The following MYH10 variants were observed in gnomAD, a reference collection of about 807,000 sequenced individuals.
MYH10 encodes the protein myosin heavy chain 10.
Under a neutral mutation model 257.8 loss-of-function variants are expected in MYH10, and 55 were observed. The ratio of observed to expected loss-of-function variants is 0.21; its 90% confidence interval spans 0.17 to 0.27. The LOEUF (loss-of-function observed/expected upper bound fraction) is 0.27, where lower values mean the gene tolerates loss of function less well. Among genes scored for constraint, MYH10 ranks in the 10% least tolerant of loss-of-function variants. The probability of loss-of-function intolerance (pLI) is 1.00; values close to 1 mark genes in which losing one functional copy is unlikely to be tolerated. For synonymous variants in MYH10, 854 were observed against 921.7 expected, an observed-to-expected ratio of 0.93 and a Z score of 1.33; for missense variants, 1,631 against 2,500.6, an observed-to-expected ratio of 0.65 and a Z score of 7.42.
chr17:8,614,681 T>C (rs922634399), intron 2 of MYH10, among the ~76,000 whole-genome samples: 3 of 152,170 alleles, frequency 2.0e-5, no homozygotes, highest in African/African-American at 4.8e-5. Context: ...TTCAACTGAA[T>C]GCTAATAAAA....
chr17:8,536,144 G>A (rs913440445), intron 14 of MYH10, among the ~76,000 whole-genome samples: 3 of 152,072 alleles, frequency 2.0e-5, no homozygotes, highest in Admixed American at 1.3e-4. Context: ...AAACAGAGGA[G>A]TAACTTATCT....
intron 2 of MYH10, among the ~76,000 whole-genome samples, chr17:8,619,428 T>C (rs1319983460): frequency 6.6e-6 from 1 of 152,152 alleles, no homozygotes; most frequent in African/African-American, 2.4e-5. Context: ...CGTATTGTTA[T>C]AAAAATAGTT....
chr17:8,629,925 C>T (rs987091952), intron 1 of MYH10, among the ~76,000 whole-genome samples: 3 of 151,744 alleles, frequency 2.0e-5, no homozygotes, highest in African/African-American at 7.3e-5. Context: ...CCCACGCCCG[C>T]GGCCGGCTCC....
intron 19 of MYH10, among the ~76,000 whole-genome samples, chr17:8,519,273 C>T (rs558981959): frequency 2.6e-5 from 4 of 152,118 alleles, no homozygotes; most frequent in Admixed American, 6.5e-5. Context: ...ATCCTTAAGA[C>T]GCAAAAGAGA....
intron 29 of MYH10, among the ~76,000 whole-genome samples, chr17:8,499,693 T>C (rs1917219817): frequency 1.3e-5 from 2 of 152,148 alleles, no homozygotes; most frequent in African/African-American, 4.8e-5. Flanking sequence ...CAGATGCAGA[T>C]ATTTAGGGGC....
chr17:8,534,387 C>T (rs762376371), intron 16 of MYH10, among the ~76,000 whole-genome samples: 7 of 152,300 alleles, frequency 4.6e-5, no homozygotes, highest in Middle Eastern at 3.4e-3. Context: ...TGCATCCCCC[C>T]CTGCAGCTCC....
intron 14 of MYH10, among the ~76,000 whole-genome samples, chr17:8,538,537 C>A (rs2151939404): frequency 6.6e-6 from 1 of 152,244 alleles, no homozygotes; most frequent in Middle Eastern, 3.4e-3. Flanking sequence ...TCAGATATTT[C>A]TATGAATAAG....
intron 2 of MYH10, among the ~76,000 whole-genome samples, chr17:8,619,959 T>C (rs938111545): frequency 6.6e-6 from 1 of 152,078 alleles, no homozygotes; most frequent in African/African-American, 2.4e-5. Flanking sequence ...CAAAACTAAA[T>C]TGTCATTTAG....
At chr17:8,496,611 G>A (rs539503010) in intron 30 of MYH10, among the ~76,000 whole-genome samples, 12 of 152,300 alleles carry the variant, frequency 7.9e-5, no homozygotes, top group Admixed American at 2.0e-4. Flanking sequence ...TCCCTTCCCC[G>A]CCGTAGGCAG....
At chr17:8,502,606 A>G (rs964007889) in intron 28 of MYH10, among the ~76,000 whole-genome samples, 22 of 152,062 alleles carry the variant, frequency 1.4e-4, no homozygotes, top group Non-Finnish European at 2.6e-4. Flanking sequence ...AAAAGTCCTT[A>G]AGAGAGTGAA....
At chr17:8,603,469 C>T (rs2084685353) in intron 3 of MYH10, among the ~76,000 whole-genome samples, 1 of 152,108 alleles carries the variant, frequency 6.6e-6, no homozygotes, top group South Asian at 2.1e-4. Context: ...TCTGGAAACT[C>T]CCCTTCTATA....
intron 26 of MYH10, among the ~76,000 whole-genome samples, chr17:8,507,069 G>A (rs146148856): frequency 3.0e-4 from 46 of 152,312 alleles, no homozygotes; most frequent in African/African-American, 1.0e-3. Flanking sequence ...CAACCTGTAT[G>A]CCTTTGTGTT....
At chr17:8,588,485 A>T (rs2083996901) in intron 4 of MYH10, among the ~76,000 whole-genome samples, 1 of 152,208 alleles carries the variant, frequency 6.6e-6, no homozygotes, top group South Asian at 2.1e-4. Flanking sequence ...GTAAATCACC[A>T]AGTCTTGGTA....
At chr17:8,515,418 T>C (rs1253864725) in intron 21 of MYH10, among the ~76,000 whole-genome samples, 1 of 152,032 alleles carries the variant, frequency 6.6e-6, no homozygotes, top group Non-Finnish European at 1.5e-5. Context: ...TGCCAACGAA[T>C]TCCTCCTTGC....
Position 8,535,614 on chromosome 17 carries a change from GCTGT to G in MYH10, c.1780-117_1780-114del. 2 of 1,231,306 alleles carry G rather than the reference GCTGT, an allele frequency of 1.6e-6. No homozygotes were observed. Among genetic ancestry groups the G allele is most frequent in the Non-Finnish European group, 2.3e-6 (2 of 873,016 alleles). 76.3% of individuals were successfully genotyped at this position (1,231,306 alleles called of 1,614,324 possible). A position where few individuals can be genotyped will look rare whatever the true frequency, so the allele number is the denominator to read the frequency against. On this transcript the variant is annotated intron_variant, in intron 15 of 42. Coordinates refer to ENST00000360416, the MANE Select transcript of MYH10 (RefSeq NM_001256012.3). This position sits in a 1 kb window ranked among gnomAD's most constrained non-coding sequence, Gnocchi z 4.3. ...TTTTATACAACAGTCCCCAAAATGG[GCTGT>G]CTGAAAGACAATATGTTTGTAATAT...
chr17:8,496,824 A>G (rs1027194739), intron 30 of MYH10, among the ~76,000 whole-genome samples: 8 of 152,178 alleles, frequency 5.3e-5, no homozygotes, highest in African/African-American at 1.9e-4. Flanking sequence ...TATTTCCTGA[A>G]CAATAAGGGT....
At chr17:8,486,543 CAAAAAAAAAAAAAAAAAAAAAAAAA>C (rs67844660) in intron 36 of MYH10, among the ~76,000 whole-genome samples, 2 of 120,766 alleles carry the variant, frequency 1.7e-5, no homozygotes, top group Admixed American at 8.4e-5. Flanking sequence ...TATTTAGCTT[CAAAAAAAAAAAAAAAAAAAAAAAAA>C]AAAAAAAAAA....
intron 4 of MYH10, among the ~76,000 whole-genome samples, chr17:8,585,559 T>A (rs1179916750): frequency 5.9e-5 from 9 of 152,000 alleles, no homozygotes; most frequent in Admixed American, 5.2e-4. Context: ...AAATCTAAGA[T>A]ACATTGTTTA....
chr17:8,580,584 C>T (rs145515749), intron 4 of MYH10, among the ~76,000 whole-genome samples: 6 of 152,220 alleles, frequency 3.9e-5, no homozygotes, highest in Admixed American at 2.6e-4. Context: ...GTAGGTCCTA[C>T]GTATTTTTAA....
Sources: allele counts gnomAD v4.1 joint callset (sites outside exome capture counted in the v4.1 genomes callset), GRCh38; gene constraint gnomAD v4.1.1; non-coding constraint Gnocchi (gnomAD v3.1); transcripts MANE v1.5; gene names NCBI Gene and HGNC (gene_info 2026-07-23, HGNC 2026-07-21).